DCDC2: variants seen among roughly 807,000 people sequenced by gnomAD.
DCDC2 encodes the protein doublecortin domain containing 2, also known as doublecortin domain-containing protein 2.
A neutral mutation model predicts 50.2 loss-of-function variants in DCDC2; 40 were observed. The ratio of observed to expected loss-of-function variants is 0.80; its 90% confidence interval spans 0.62 to 1.04. DCDC2 has a LOEUF of 1.04. Among genes scored for constraint, DCDC2 ranks in the 50% least tolerant of loss-of-function variants. DCDC2 has a pLI of 0.00. For missense variants in DCDC2, 570 were observed against 581.9 expected, an observed-to-expected ratio of 0.98 and a Z score of 0.21; for synonymous variants, 234 against 210.6, an observed-to-expected ratio of 1.11 and a Z score of -0.96.
At chr6:24,189,689 C>A (rs943571804) in intron 8 of DCDC2, among the ~76,000 whole-genome samples, 1 of 152,128 alleles carries the variant, frequency 6.6e-6, no homozygotes, top group African/African-American at 2.4e-5. Context: ...CACCACCCAA[C>A]CCTCCTCCTC....
At chr6:24,378,414 C>G in the DCDC2 span, among the ~76,000 whole-genome samples, 1 of 152,248 alleles carries the variant, frequency 6.6e-6, no homozygotes, top group East Asian at 1.9e-4. Flanking sequence ...CTACCACCAC[C>G]CCACTCCTAC....
At chr6:24,262,250 A>G (rs2113807012) in intron 7 of DCDC2, among the ~76,000 whole-genome samples, 1 of 152,180 alleles carries the variant, frequency 6.6e-6, no homozygotes, top group South Asian at 2.1e-4. Flanking sequence ...AGAAAGCAAC[A>G]TGGGGCAGAA....
At chr6:24,250,690 CAA>C (rs1252386151) in intron 7 of DCDC2, among the ~76,000 whole-genome samples, 7 of 151,876 alleles carry the variant, frequency 4.6e-5, no homozygotes. Context: ...AATTATTCTG[CAA>C]AGTGTCATTT....
intron 7 of DCDC2, among the ~76,000 whole-genome samples, chr6:24,270,442 A>C (rs1763213653): frequency 6.6e-6 from 1 of 152,172 alleles, no homozygotes; most frequent in African/African-American, 2.4e-5. Context: ...AATTGTCACC[A>C]TAATATAGGT....
At chr6:24,305,237 C>G (rs1759450204) in intron 2 of DCDC2, among the ~76,000 whole-genome samples, 1 of 152,172 alleles carries the variant, frequency 6.6e-6, no homozygotes, top group Non-Finnish European at 1.5e-5. Context: ...ATCAAACCAT[C>G]TGTTTTAAAT....
upstream of DCDC2, among the ~76,000 whole-genome samples, chr6:24,362,917 G>C (rs545771137): frequency 2.6e-5 from 4 of 152,144 alleles, no homozygotes; most frequent in Non-Finnish European, 5.9e-5. Context: ...TGGTTTTGGA[G>C]CTCTTCTCTC....
intron 2 of DCDC2, among the ~76,000 whole-genome samples, chr6:24,337,204 T>C (rs1326954951): frequency 6.6e-6 from 1 of 152,106 alleles, no homozygotes; most frequent in African/African-American, 2.4e-5. Context: ...GAACTTAAAG[T>C]ACAATAAAAA....
the DCDC2 span, among the ~76,000 whole-genome samples, chr6:24,371,623 T>C: frequency 1.3e-5 from 2 of 151,652 alleles, no homozygotes; most frequent in Admixed American, 6.6e-5. Context: ...AATTGACAAA[T>C]GGGATCTAAT....
rs1761574013 is a variant in DCDC2, at chr6:24,200,980, T to C, written c.1023+4022A>G. 4.6e-5 allele frequency among the ~76,000 whole-genome samples: 7 copies of C among 152,178 alleles called. 1 individual carries two copies. Among genetic ancestry groups the C allele is most frequent in the Admixed American group, 3.3e-4 (5 of 15,288 alleles). On this transcript the variant is annotated intron_variant, in intron 8 of 9. Coordinates refer to ENST00000378454, the MANE Select transcript of DCDC2 (RefSeq NM_016356.5). ...CTATCCTAAATATATATGAACCCAA[T>C]ACAGGAGCACCAAGATTCATAAAGC...
intron 7 of DCDC2, among the ~76,000 whole-genome samples, chr6:24,213,110 T>C (rs1315258462): frequency 1.3e-5 from 2 of 152,210 alleles, no homozygotes; most frequent in Non-Finnish European, 2.9e-5. Context: ...CCTACCATTC[T>C]TGCTTTCTCA....
chr6:24,238,187 G>A (rs1364489377), intron 7 of DCDC2, among the ~76,000 whole-genome samples: 1 of 38,400 alleles, frequency 2.6e-5, no homozygotes, highest in Non-Finnish European at 4.8e-5. Flanking sequence ...GGAGGGGAGG[G>A]GGAGGGGAGG....
chr6:24,329,101 G>A (rs1033712495), intron 2 of DCDC2, among the ~76,000 whole-genome samples: 1 of 151,950 alleles, frequency 6.6e-6, no homozygotes, highest in Non-Finnish European at 1.5e-5. Context: ...GATAAACAAC[G>A]CAAAACAGAA....
intron 7 of DCDC2, among the ~76,000 whole-genome samples, chr6:24,250,167 G>C (rs1014339240): frequency 6.6e-6 from 1 of 152,190 alleles, no homozygotes; most frequent in African/African-American, 2.4e-5. Flanking sequence ...GGTAGGCAGT[G>C]AGTGGTAGAA....
intron 7 of DCDC2, among the ~76,000 whole-genome samples, chr6:24,271,033 G>A (rs1581623061): frequency 6.6e-6 from 1 of 151,440 alleles, no homozygotes; most frequent in African/African-American, 2.4e-5. Flanking sequence ...ACCAGCCTGG[G>A]CAACATGGTG....
At position 24,237,244 on chromosome 6, in the gene DCDC2, G is replaced by GA. The variant is rs543661038; in HGVS notation, c.923-32143dup. ...GAGGGTGGAAGGAGGGACAGAATCA[G>GA]AAAAAAAATACCTGTTGCGTACTAT... On this transcript the variant is annotated intron_variant, in intron 7 of 9. Coordinates refer to ENST00000378454, the MANE Select transcript of DCDC2 (RefSeq NM_016356.5). Among the ~76,000 whole-genome samples the GA allele has an allele frequency of 2.0e-3, 304 of 151,618 alleles. 2 individuals are homozygous for GA. The highest frequency in any genetic ancestry group is 6.9e-3 in the African/African-American group (287 of 41,320).
At chr6:24,260,640 T>C (rs1465556904) in intron 7 of DCDC2, among the ~76,000 whole-genome samples, 1 of 152,232 alleles carries the variant, frequency 6.6e-6, no homozygotes, top group Non-Finnish European at 1.5e-5. Context: ...GTCTGAGGCT[T>C]GCTCAGAAAA....
intron 7 of DCDC2, 77 bp from the exon 8 acceptor site, chr6:24,205,179 A>G: frequency 6.2e-7 from 1 of 1,614,048 alleles, no homozygotes; most frequent in Non-Finnish European, 8.5e-7. Flanking sequence ...TTACAATCAA[A>G]TGCTTATTTT....
At chr6:24,234,192 G>GT (rs1762395541) in intron 7 of DCDC2, among the ~76,000 whole-genome samples, 1 of 151,648 alleles carries the variant, frequency 6.6e-6, no homozygotes, top group Admixed American at 6.6e-5. Context: ...AAAGAAGTTG[G>GT]TTGGCCGTAT....
chr6:24,233,451 T>C (rs1762377932), intron 7 of DCDC2, among the ~76,000 whole-genome samples: 1 of 152,230 alleles, frequency 6.6e-6, no homozygotes, highest in Admixed American at 6.5e-5. Context: ...CTATTTTGTA[T>C]ACATTATCGT....
Sources: gnomAD v4.1 joint callset for allele counts (sites outside exome capture counted in the v4.1 genomes callset) on GRCh38, gnomAD v4.1.1 for gene constraint, MANE v1.5 for transcripts, NCBI Gene and HGNC (gene_info 2026-07-23, HGNC 2026-07-21) for gene names.